CSMD1: variants seen among roughly 807,000 people sequenced by gnomAD.
CSMD1 encodes the protein CUB and sushi domain-containing protein 1.
A neutral mutation model predicts 417.5 loss-of-function variants in CSMD1; 213 were observed. The observed-to-expected ratio is 0.51, with a 90% CI of 0.46 to 0.57. The LOEUF (loss-of-function observed/expected upper bound fraction) is 0.57, where lower values mean the gene tolerates loss of function less well. Among genes scored for constraint, CSMD1 ranks in the 20% least tolerant of loss-of-function variants. The probability of loss-of-function intolerance (pLI) is 0.00; values close to 1 mark genes in which losing one functional copy is unlikely to be tolerated. For missense variants in CSMD1, 6,923 were observed against 4,529.7 expected, an observed-to-expected ratio of 1.53 and a Z score of -15.17; for synonymous variants, 2,862 against 1,736.8, an observed-to-expected ratio of 1.65 and a Z score of -16.11.
intron 2 of CSMD1, among the ~76,000 whole-genome samples, chr8:4,538,370 C>T (rs556296977): frequency 1.3e-4 from 20 of 151,974 alleles, no homozygotes; most frequent in South Asian, 8.3e-4. Flanking sequence ...AGGCTGGGTG[C>T]GATGGCTTAT....
intron 7 of CSMD1, among the ~76,000 whole-genome samples, chr8:3,621,805 C>A (rs925016285): frequency 1.3e-5 from 2 of 151,632 alleles, no homozygotes; most frequent in Non-Finnish European, 2.9e-5. Context: ...AACAGGGTTT[C>A]ACCATATTGC....
chr8:4,774,399 TG>T (rs1333948949), intron 1 of CSMD1, among the ~76,000 whole-genome samples: 6 of 152,232 alleles, frequency 3.9e-5, no homozygotes, highest in Admixed American at 1.3e-4. Context: ...CACCTCCAGT[TG>T]GAAACATCCG....
chr8:3,503,676 A>G (rs1344064266), intron 10 of CSMD1, among the ~76,000 whole-genome samples: 1 of 152,192 alleles, frequency 6.6e-6, no homozygotes, highest in Non-Finnish European at 1.5e-5. Flanking sequence ...GTCTCAGCTC[A>G]AGACAGCTAA....
At chr8:4,810,065 T>A (rs1428619963) in intron 1 of CSMD1, among the ~76,000 whole-genome samples, 1 of 152,214 alleles carries the variant, frequency 6.6e-6, no homozygotes, top group Non-Finnish European at 1.5e-5. Context: ...AAATACCAGT[T>A]AAAGTTAGCT....
chr8:3,417,237 C>A (rs964502148), intron 12 of CSMD1, among the ~76,000 whole-genome samples: 2 of 152,108 alleles, frequency 1.3e-5, no homozygotes, highest in South Asian at 2.1e-4. Context: ...ATAAGAGGGA[C>A]CTTTAAATTC....
intron 1 of CSMD1, among the ~76,000 whole-genome samples, chr8:4,934,604 C>T (rs1807472325): frequency 6.6e-6 from 1 of 151,858 alleles, no homozygotes; most frequent in Non-Finnish European, 1.5e-5. Context: ...ATAATGTCTA[C>T]CTTTTTATTT....
At chr8:3,106,091 C>A (rs1265205236) in intron 46 of CSMD1, among the ~76,000 whole-genome samples, 2 of 152,018 alleles carry the variant, frequency 1.3e-5, no homozygotes, top group Non-Finnish European at 2.9e-5. Context: ...GATCAGAGCA[C>A]AGATTAAGTG....
chr8:3,073,061 G>C (rs1186792284), intron 49 of CSMD1, among the ~76,000 whole-genome samples: 3 of 152,174 alleles, frequency 2.0e-5, no homozygotes, highest in African/African-American at 4.8e-5. Flanking sequence ...CAAATTCCCA[G>C]TGCTATTTCT....
intron 3 of CSMD1, among the ~76,000 whole-genome samples, chr8:4,254,054 C>G (rs1803270818): frequency 1.3e-5 from 2 of 151,472 alleles, no homozygotes; most frequent in Middle Eastern, 3.4e-3. Context: ...GTAGCTGGGA[C>G]TACTGGTGCC....
intron 3 of CSMD1, among the ~76,000 whole-genome samples, chr8:4,204,286 G>A (rs148771266): frequency 6.6e-6 from 1 of 150,794 alleles, no homozygotes; most frequent in Non-Finnish European, 1.5e-5. Context: ...ACCTCAATTT[G>A]GAAGTTTTTG....
chr8:3,393,574 G>T (rs905531770), intron 17 of CSMD1, among the ~76,000 whole-genome samples: 17 of 152,018 alleles, frequency 1.1e-4, no homozygotes, highest in Admixed American at 6.6e-5. Flanking sequence ...CAATAGCAAA[G>T]ACTTGGAAAC....
At chr8:3,260,274 C>T (rs543652719) in intron 26 of CSMD1, among the ~76,000 whole-genome samples, 2 of 152,212 alleles carry the variant, frequency 1.3e-5, no homozygotes, top group East Asian at 1.9e-4. Flanking sequence ...GTGAGATCCT[C>T]GCCCAGAATA....
At chr8:4,259,881 T>C (rs1803748116) in intron 3 of CSMD1, among the ~76,000 whole-genome samples, 1 of 152,216 alleles carries the variant, frequency 6.6e-6, no homozygotes, top group African/African-American at 2.4e-5. Context: ...TAAGTTAATT[T>C]ATTTTTTGCT....
intron 3 of CSMD1, among the ~76,000 whole-genome samples, chr8:4,414,019 G>A (rs1257317441): frequency 6.6e-6 from 1 of 151,934 alleles, no homozygotes; most frequent in Non-Finnish European, 1.5e-5. Flanking sequence ...TGCTCTTCTT[G>A]TGCTAGCACG....
At chr8:3,265,526 C>A (rs772544052) in intron 26 of CSMD1, among the ~76,000 whole-genome samples, 1 of 152,038 alleles carries the variant, frequency 6.6e-6, no homozygotes, top group Non-Finnish European at 1.5e-5. Flanking sequence ...GGGAGTGAGT[C>A]TTAGAGAGAG....
At chr8:3,895,300 C>T (rs111461899) in intron 5 of CSMD1, among the ~76,000 whole-genome samples, 11 of 152,068 alleles carry the variant, frequency 7.2e-5, no homozygotes, top group Non-Finnish European at 1.0e-4. Context: ...TAAAGTAAAC[C>T]TATCTATGTT....
chr8:4,327,037 A>G (rs1051261435), intron 3 of CSMD1, among the ~76,000 whole-genome samples: 1 of 152,200 alleles, frequency 6.6e-6, no homozygotes, highest in African/African-American at 2.4e-5. Flanking sequence ...GGTCAGTGGT[A>G]TGGATTCCAA....
At chr8:3,954,967 T>A (rs1351623730) in intron 5 of CSMD1, among the ~76,000 whole-genome samples, 6 of 152,188 alleles carry the variant, frequency 3.9e-5, no homozygotes, top group Non-Finnish European at 8.8e-5. Flanking sequence ...GGGTCTGCAT[T>A]CAGTTAACAT....
chr8:4,049,857 T>C (rs1327049160), intron 3 of CSMD1, among the ~76,000 whole-genome samples: 1 of 152,138 alleles, frequency 6.6e-6, no homozygotes, highest in Non-Finnish European at 1.5e-5. Context: ...TCTTCTTCAC[T>C]AAAGTCTTAT....
Sources: allele counts gnomAD v4.1 joint callset (sites outside exome capture counted in the v4.1 genomes callset), GRCh38; gene constraint gnomAD v4.1.1; transcripts MANE v1.5; gene names NCBI Gene and HGNC (gene_info 2026-07-23, HGNC 2026-07-21).